The following GRM7 variants were observed in gnomAD, a reference collection of about 807,000 sequenced individuals.
GRM7 encodes the protein metabotropic glutamate receptor 7.
In GRM7, 35 loss-of-function variants were observed where a neutral mutation model predicts 84.5. That is an observed-to-expected ratio of 0.41 (90% CI 0.32 to 0.55). The LOEUF (loss-of-function observed/expected upper bound fraction) is 0.55, where lower values mean the gene tolerates loss of function less well. GRM7 is among the 20% of genes least tolerant of loss of function. The pLI, the probability that GRM7 is intolerant of heterozygous loss-of-function variation, is 0.19. For synonymous variants in GRM7, 487 were observed against 455.1 expected, an observed-to-expected ratio of 1.07 and a Z score of -0.89; for missense variants, 1,003 against 1,194.6, an observed-to-expected ratio of 0.84 and a Z score of 2.36.
chr3:7,506,640 G>A (rs1205239214), intron 7 of GRM7, among the ~76,000 whole-genome samples: 2 of 152,202 alleles, frequency 1.3e-5, no homozygotes, highest in East Asian at 3.9e-4. Flanking sequence ...AGAACACGGT[G>A]CCTGTACCTC....
intron 2 of GRM7, among the ~76,000 whole-genome samples, chr3:7,154,462 G>T (rs905590995): frequency 1.3e-5 from 2 of 152,122 alleles, no homozygotes; most frequent in African/African-American, 4.8e-5. Flanking sequence ...CATCTCTTCT[G>T]CCTGCCATCA....
At chr3:7,221,279 A>G (rs994236847) in intron 2 of GRM7, among the ~76,000 whole-genome samples, 7 of 152,176 alleles carry the variant, frequency 4.6e-5, no homozygotes, top group African/African-American at 1.7e-4. Flanking sequence ...GATAGGTTAA[A>G]AGAAGATTTT....
chr3:7,397,417 A>AG (rs1399058979), intron 4 of GRM7, among the ~76,000 whole-genome samples: 2 of 152,160 alleles, frequency 1.3e-5, no homozygotes, highest in South Asian at 4.1e-4. Context: ...GGTAGCGGGG[A>AG]GGCAGAGATG....
chr3:6,966,314 T>C (rs1008047748), intron 1 of GRM7, among the ~76,000 whole-genome samples: 5 of 152,224 alleles, frequency 3.3e-5, no homozygotes, highest in Admixed American at 1.3e-4. Context: ...GGTTGTTCTC[T>C]TTTGGAGATC....
chr3:7,306,752 C>T lies in GRM7; in HGVS notation c.1033+100C>T. ...TTAGGGGTTTGGCATTTTTACCAAA[C>T]TCATGTGGGGTTGTTTCAAACTTAT... is the stretch of plus-strand genomic sequence containing the variant. On this transcript the variant is annotated intron_variant, in intron 4 of 9. Transcript: ENST00000357716. The T allele has an allele frequency of 8.2e-6, 8 of 980,962 alleles. No homozygotes were observed. The South Asian group carries it at 1.4e-4, about 17-fold the overall frequency. The allele number at this position is 980,962 out of a possible 1,614,324, so 60.8% of individuals were successfully genotyped here. A position where few individuals can be genotyped will look rare whatever the true frequency, so the allele number is the denominator to read the frequency against.
chr3:7,130,167 C>T (rs943247355), intron 1 of GRM7, among the ~76,000 whole-genome samples: 20 of 152,106 alleles, frequency 1.3e-4, no homozygotes, highest in African/African-American at 4.6e-4. Context: ...CTAAAACGTC[C>T]CTTATAACCT....
intron 4 of GRM7, among the ~76,000 whole-genome samples, chr3:7,346,868 A>G (rs1692917266): frequency 1.3e-5 from 2 of 152,150 alleles, no homozygotes; most frequent in South Asian, 4.1e-4. Context: ...AAATACCATA[A>G]GTCTTACCAC....
chr3:7,378,474 A>G (rs1241304806), intron 4 of GRM7, among the ~76,000 whole-genome samples: 1 of 152,178 alleles, frequency 6.6e-6, no homozygotes, highest in Non-Finnish European at 1.5e-5. Context: ...AAGAAGTCCT[A>G]AGTATTACAA....
chr3:7,563,842 C>T (rs1559405326), intron 7 of GRM7, among the ~76,000 whole-genome samples: 1 of 152,148 alleles, frequency 6.6e-6, no homozygotes, highest in Admixed American at 6.5e-5. Context: ...CTGTCAACTT[C>T]AGACAAACAG....
At chr3:7,259,138 C>T (rs143883535) in intron 2 of GRM7, among the ~76,000 whole-genome samples, 36 of 152,266 alleles carry the variant, frequency 2.4e-4, no homozygotes, top group African/African-American at 7.0e-4. Flanking sequence ...CATTTTTGAT[C>T]GACCATTTGG....
intron 1 of GRM7, among the ~76,000 whole-genome samples, chr3:7,107,476 A>G (rs1692696775): frequency 1.3e-5 from 2 of 152,076 alleles, no homozygotes; most frequent in African/African-American, 4.8e-5. Flanking sequence ...TATGAGTAAT[A>G]TAACAAAGAT....
intron 1 of GRM7, among the ~76,000 whole-genome samples, chr3:6,869,328 G>A (rs947007280): frequency 3.3e-5 from 5 of 152,128 alleles, no homozygotes; most frequent in African/African-American, 7.2e-5. Flanking sequence ...GTCTGATAGA[G>A]TAATTGCAAG....
intron 1 of GRM7, among the ~76,000 whole-genome samples, chr3:7,142,643 A>AT (rs1238609494): frequency 6.6e-6 from 1 of 152,158 alleles, no homozygotes; most frequent in Non-Finnish European, 1.5e-5. Flanking sequence ...GGGTGGGGAT[A>AT]CAAAGCCTAA....
chr3:7,312,523 T>G (rs1042980461), intron 4 of GRM7, among the ~76,000 whole-genome samples: 4 of 152,170 alleles, frequency 2.6e-5, no homozygotes, highest in African/African-American at 9.7e-5. Context: ...AGACTGTAGC[T>G]TGGTGAAATT....
chr3:7,305,902 A>C (rs2125033434), intron 3 of GRM7, among the ~76,000 whole-genome samples: 1 of 152,190 alleles, frequency 6.6e-6, no homozygotes, highest in Non-Finnish European at 1.5e-5. Context: ...TATTGCAATA[A>C]CTTTTTCATT....
At chr3:7,300,946 C>T (rs1355155439) in intron 3 of GRM7, among the ~76,000 whole-genome samples, 5 of 152,104 alleles carry the variant, frequency 3.3e-5, no homozygotes, top group Admixed American at 6.5e-5. Context: ...CAATAAATGG[C>T]GTTGAACAAG....
intron 8 of GRM7, among the ~76,000 whole-genome samples, chr3:7,625,092 A>G (rs1249482379): frequency 2.0e-5 from 3 of 152,206 alleles, no homozygotes; most frequent in Non-Finnish European, 2.9e-5. Context: ...TGCAGAGGCA[A>G]TATTCACACT....
At position 6,863,098 on chromosome 3, in the gene GRM7, C is replaced by T. The variant is rs1694818128; in HGVS notation, c.519+1191C>T. ...TGTCTTTCCCTATATGTGCATCACT[C>T]TCTCTTTCTGTCTCTGTCTCCTTGC... On this transcript the variant is annotated intron_variant, in intron 1 of 9. Transcript: ENST00000357716. This position sits in a 1 kb window ranked among gnomAD's most constrained non-coding sequence, Gnocchi z 4.8. 3 of 395,046 alleles carry T rather than the reference C, an allele frequency of 7.6e-6. No homozygotes were observed. The highest frequency in any genetic ancestry group is 8.5e-5 in the East Asian group (1 of 11,796). 24.5% of individuals were successfully genotyped at this position (395,046 alleles called of 1,614,324 possible). A position where few individuals can be genotyped will look rare whatever the true frequency, so the allele number is the denominator to read the frequency against.
At chr3:7,691,569 G>C (rs896138972) in intron 9 of GRM7, among the ~76,000 whole-genome samples, 34 of 152,248 alleles carry the variant, frequency 2.2e-4, no homozygotes, top group African/African-American at 7.7e-4. Context: ...TTCTGTATAT[G>C]AAAGCCCTGT....
Sources: allele counts gnomAD v4.1 joint callset (sites outside exome capture counted in the v4.1 genomes callset), GRCh38; gene constraint gnomAD v4.1.1; non-coding constraint Gnocchi (gnomAD v3.1); transcripts MANE v1.5; gene names NCBI Gene and HGNC (gene_info 2026-07-23, HGNC 2026-07-21).